LRRFIP2: variants seen among roughly 807,000 people sequenced by gnomAD.
LRRFIP2 encodes leucine-rich repeat flightless-interacting protein 2.
In LRRFIP2, 109 loss-of-function variants were observed where a neutral mutation model predicts 125.9. The observed-to-expected ratio is 0.87, with a 90% confidence interval of 0.74 to 1.01. The LOEUF is 1.01. Ranked by LOEUF, LRRFIP2 falls within the 50% of genes least tolerant of loss-of-function variation. The pLI is 0.00. For missense variants in LRRFIP2, 850 were observed against 862.3 expected, an observed-to-expected ratio of 0.99 and a Z score of 0.18; for synonymous variants, 291 against 293.1, an observed-to-expected ratio of 0.99 and a Z score of 0.07.
In LRRFIP2 at chr3:37,058,853, C is replaced by T. The variant is rs1054276696; in HGVS notation, c.1807G>A (p.Gly603Ser). ...EERQKCSRND[G>S]TVGDLAGLQN... ...AGTCCTGCCAGGTCACCCACTGTGC[C>T]ATCATTCCTGGAGCATTTCTGTCGT... The change falls in exon 25 of 28, where the codon GGC becomes AGC. Residue 603 changes from glycine (G) to serine (S), a missense_variant. Coordinates refer to ENST00000336686, the MANE Select transcript of LRRFIP2 (RefSeq NM_006309.4). 1.2e-6 allele frequency: 2 copies of T among 1,613,938 alleles called. No homozygotes were observed. The highest frequency in any genetic ancestry group is 1.7e-6 in the Non-Finnish European group (2 of 1,179,966).
chr3:37,108,945 G>C (rs1453649458), intron 11 of LRRFIP2, among the ~76,000 whole-genome samples: 1 of 152,114 alleles, frequency 6.6e-6, no homozygotes, highest in Non-Finnish European at 1.5e-5. Flanking sequence ...GAGAATTAAC[G>C]TGTACACATT....
intron 1 of LRRFIP2, among the ~76,000 whole-genome samples, chr3:37,156,989 C>G (rs1401863057): frequency 6.6e-6 from 1 of 151,552 alleles, no homozygotes; most frequent in Non-Finnish European, 1.5e-5. Flanking sequence ...ATTAGCTGGG[C>G]GTGGTGGCAC....
At chr3:37,093,713 A>G (rs1246793793) in intron 17 of LRRFIP2, among the ~76,000 whole-genome samples, 1 of 152,152 alleles carries the variant, frequency 6.6e-6, no homozygotes, top group Non-Finnish European at 1.5e-5. Flanking sequence ...CACAGTTGTC[A>G]GGGTAAAACT....
intron 18 of LRRFIP2, among the ~76,000 whole-genome samples, chr3:37,085,730 C>A (rs1420707627): frequency 1.3e-5 from 2 of 151,828 alleles, no homozygotes; most frequent in African/African-American, 2.4e-5. Context: ...TACAGGCACA[C>A]ATCACCACTC....
chr3:37,145,379 A>G (rs1172437983), intron 2 of LRRFIP2, among the ~76,000 whole-genome samples: 1 of 152,246 alleles, frequency 6.6e-6, no homozygotes, highest in Non-Finnish European at 1.5e-5. Context: ...GCAATGATAC[A>G]TTTAACCAAA....
chr3:37,148,414 T>C (rs2095915539), intron 2 of LRRFIP2, among the ~76,000 whole-genome samples: 1 of 152,210 alleles, frequency 6.6e-6, no homozygotes, highest in Non-Finnish European at 1.5e-5. Context: ...AATGACCTGC[T>C]ATAACCTTAA....
At chr3:37,055,551 C>T (rs761117883) in intron 25 of LRRFIP2, among the ~76,000 whole-genome samples, 27 of 152,036 alleles carry the variant, frequency 1.8e-4, no homozygotes, top group Non-Finnish European at 3.4e-4. Context: ...GGCAACAGAG[C>T]GATACTCCGT....
In LRRFIP2 at chr3:37,083,681, C is replaced by T. The variant is rs34304558; in HGVS notation, c.1233G>A (p.Glu411=). The stretch of plus-strand genomic sequence containing the variant: ...CTCTATAAAATTCTGCCATCTGTTC[C>T]TCCTGCTCTTCAATAACATCCTTGA... ...DTLKDVIEEQ[E]EQMAEFYREN... The change falls in exon 19 of 28, where the codon GAG becomes GAA. Residue 411 remains glutamate, a synonymous_variant. Transcript: ENST00000336686. 1,842 of 1,585,376 alleles carry T rather than the reference C, an allele frequency of 1.2e-3. 18 individuals carry two copies. The African/African-American group carries it at 0.022, about 19-fold the overall frequency.
chr3:37,117,370 A>G (rs1353881571), intron 6 of LRRFIP2, among the ~76,000 whole-genome samples: 1 of 152,170 alleles, frequency 6.6e-6, no homozygotes, highest in African/African-American at 2.4e-5. Context: ...CTGGTTTAAA[A>G]AAAAATGTTG....
chr3:37,118,252 A>G (rs890310448), intron 6 of LRRFIP2, among the ~76,000 whole-genome samples: 2 of 152,114 alleles, frequency 1.3e-5, no homozygotes, highest in African/African-American at 4.8e-5. Context: ...TATTTTTAGT[A>G]GATACAAGGT....
At chr3:37,086,239 G>A (rs2093039249) in intron 18 of LRRFIP2, among the ~76,000 whole-genome samples, 1 of 152,226 alleles carries the variant, frequency 6.6e-6, no homozygotes, top group African/African-American at 2.4e-5. Flanking sequence ...TAGTAAGGAT[G>A]TGGAGAAACT....
intron 1 of LRRFIP2, among the ~76,000 whole-genome samples, chr3:37,152,971 A>G (rs1446356568): frequency 6.6e-6 from 1 of 152,212 alleles, no homozygotes; most frequent in Admixed American, 6.5e-5. Context: ...ACACATAAAA[A>G]TCATTAGAGA....
intron 25 of LRRFIP2, among the ~76,000 whole-genome samples, chr3:37,055,894 C>T (rs1264121733): frequency 6.6e-6 from 1 of 152,192 alleles, no homozygotes; most frequent in African/African-American, 2.4e-5. Context: ...CTGTCCAATA[C>T]TGTAAGGGTC....
chr3:37,108,142 C>A lies in LRRFIP2; in HGVS notation c.658-13G>T. 6.2e-7 allele frequency: 1 copy of A among 1,608,946 alleles called. No homozygotes were observed. Among genetic ancestry groups the A allele is most frequent in the South Asian group, 1.1e-5 (1 of 90,966 alleles). On this transcript the variant is annotated splice_polypyrimidine_tract_variant and intron_variant, in intron 12 of 27. Transcript: ENST00000336686. The stretch of plus-strand genomic sequence containing the variant: ...TGCATTCAGATGGCTATAAAGTTTC[C>A]AAGAAGAAAGGTTTTACAACAATGA...
Position 37,053,890 on chromosome 3 carries a change from C to T in LRRFIP2, c.2127G>A (p.Lys709=), listed in dbSNP as rs759616999. 4 of 1,614,172 alleles carry T rather than the reference C, an allele frequency of 2.5e-6. No individual in the cohort carries two copies. The highest frequency in any genetic ancestry group is 3.3e-5 in the Admixed American group (2 of 60,032). The part of the protein sequence containing the change: ...TNSHLAKRLE[K]MKANRTALLA... ...GAAGTGCTGTCCTATTGGCCTTCAT[C>T]TTCTCCAGCCGCTTGGCCAGGTGGC... The change falls in exon 28 of 28, where the codon AAG becomes AAA. Residue 709 remains lysine (K), a synonymous_variant. Transcript: ENST00000336686.
rs1466400262 is a variant in LRRFIP2 at position 37,130,523 on chromosome 3, C to T, written c.91-1374G>A. 2.6e-5 allele frequency among the ~76,000 whole-genome samples: 4 copies of T among 152,292 alleles called. 1 individual carries two copies. Among genetic ancestry groups the T allele is most frequent in the South Asian group, 4.1e-4 (2 of 4,826 alleles). The stretch of plus-strand genomic sequence containing the variant: ...TACTTCCAAGTCCAGTAGTTCCCCC[C>T]TTATCTGTTGTTTCAGTTACCCATG... On this transcript the variant is annotated intron_variant, in intron 2 of 27. Transcript: ENST00000336686.
rs147155874 is a variant in LRRFIP2 at position 37,162,904 on chromosome 3, T to G, written c.-56+11635A>C. Among the ~76,000 whole-genome samples the G allele has an allele frequency of 1.6e-4, 25 of 152,374 alleles. No individual in the cohort carries two copies. The East Asian group carries it at 4.6e-3, about 28-fold the overall frequency. On this transcript the variant is annotated intron_variant, in intron 1 of 27. Coordinates refer to ENST00000336686, the MANE Select transcript of LRRFIP2 (RefSeq NM_006309.4). ...GTTGATAAAGTTCCTGGAGCCTAGA[T>G]GGGCTGAAGACTTATTTCACAGCAC...
At chr3:37,097,263 C>T (rs2093769135) in intron 15 of LRRFIP2, among the ~76,000 whole-genome samples, 1 of 151,390 alleles carries the variant, frequency 6.6e-6, no homozygotes, top group Admixed American at 6.6e-5. Context: ...CCATGCCATA[C>T]CCTGACCACC....
At chr3:37,135,077 G>A (rs763041139) in intron 2 of LRRFIP2, 34 of 1,376,152 alleles carry the variant, frequency 2.5e-5, no homozygotes, top group South Asian at 4.6e-5. Context: ...AGAATATCTC[G>A]GGAATGGACT....
Sources: allele counts gnomAD v4.1 joint callset (sites outside exome capture counted in the v4.1 genomes callset), GRCh38; gene constraint gnomAD v4.1.1; transcripts MANE v1.5; gene names NCBI Gene and HGNC (gene_info 2026-07-23, HGNC 2026-07-21).